SUSD1: variants seen among roughly 807,000 people sequenced by gnomAD.
SUSD1 encodes the protein sushi domain-containing protein 1.
A neutral mutation model predicts 86.9 loss-of-function variants in SUSD1; 65 were observed. That is an observed-to-expected ratio of 0.75 (90% CI 0.61 to 0.92). SUSD1 has a LOEUF of 0.92. Ranked by LOEUF, SUSD1 falls within the 40% of genes least tolerant of loss-of-function variation. SUSD1 has a pLI of 0.00. For missense variants in SUSD1, 850 were observed against 929.7 expected, an observed-to-expected ratio of 0.91 and a Z score of 1.11; for synonymous variants, 346 against 350.0, an observed-to-expected ratio of 0.99 and a Z score of 0.13.
chr9:112,100,952 T>C (rs1830609268), intron 9 of SUSD1, among the ~76,000 whole-genome samples: 1 of 152,078 alleles, frequency 6.6e-6, no homozygotes, highest in African/African-American at 2.4e-5. Context: ...TTACTTTTTG[T>C]CAAAGCACTC....
intron 1 of SUSD1, among the ~76,000 whole-genome samples, chr9:112,157,816 C>CTTTT (rs1226073813): frequency 6.5e-5 from 9 of 138,430 alleles, no homozygotes; most frequent in African/African-American, 2.6e-4. Context: ...CAATGTCTTT[C>CTTTT]TTTCTTTCTT....
At chr9:112,096,981 G>T (rs1434618005) in intron 10 of SUSD1, among the ~76,000 whole-genome samples, 1 of 151,930 alleles carries the variant, frequency 6.6e-6, no homozygotes, top group Non-Finnish European at 1.5e-5. Context: ...TGCAAACTCT[G>T]CTGATACAGA....
At chr9:112,081,278 G>A (rs1829757101) in intron 10 of SUSD1, among the ~76,000 whole-genome samples, 3 of 152,206 alleles carry the variant, frequency 2.0e-5, no homozygotes, top group Admixed American at 2.0e-4. Context: ...GCTGTATTTT[G>A]TAACTCCCTG....
intron 5 of SUSD1, among the ~76,000 whole-genome samples, chr9:112,131,786 T>C (rs1832046002): frequency 6.6e-6 from 1 of 152,262 alleles, no homozygotes; most frequent in Admixed American, 6.5e-5. Context: ...CATGTTTCTC[T>C]GGCTAATTAC....
intron 12 of SUSD1, among the ~76,000 whole-genome samples, chr9:112,077,179 A>G (rs1267910891): frequency 6.6e-6 from 1 of 152,096 alleles, no homozygotes; most frequent in Non-Finnish European, 1.5e-5. Context: ...ATTGAGGGGA[A>G]GTGCTGATCA....
intron 15 of SUSD1, among the ~76,000 whole-genome samples, chr9:112,049,505 C>A (rs1391167164): frequency 6.6e-6 from 1 of 152,174 alleles, no homozygotes; most frequent in African/African-American, 2.4e-5. Flanking sequence ...TCCATCAAAC[C>A]GACTGCTGGT....
chr9:112,080,700 A>AG (rs1026093076), intron 10 of SUSD1, among the ~76,000 whole-genome samples: 16 of 151,784 alleles, frequency 1.1e-4, no homozygotes, highest in Admixed American at 6.6e-4. Flanking sequence ...GAAAAAAAAA[A>AG]AAAAGAAAAG....
Position 112,058,605 on chromosome 9 carries a change from G to A in SUSD1, c.1932C>T (p.Ser644=). The A allele has an allele frequency of 1.9e-6, 3 of 1,614,166 alleles. No individual in the cohort carries two copies. The highest frequency in any genetic ancestry group is 2.5e-6 in the Non-Finnish European group (3 of 1,180,016). The change falls in exon 14 of 17, where the codon AGC becomes AGT. Residue 644 remains serine (S), a synonymous_variant. Transcript: ENST00000374270. The part of the protein sequence containing the change: ...CDSEGASSFF[S]NASDADGYVA... ...CGTATCCATCAGCATCAGAGGCGTT[G>A]CTAAAGAAGGAGGAAGCGCCTTCAG...
rs143588063 is a variant in SUSD1, at chr9:112,110,048, C to T, written c.1171+1606G>A. 1.1e-4 allele frequency among the ~76,000 whole-genome samples: 17 copies of T among 152,086 alleles called. No homozygotes were observed. The East Asian group carries it at 3.3e-3, about 29-fold the overall frequency. On this transcript the variant is annotated intron_variant, in intron 8 of 16. Transcript: ENST00000374270. The stretch of plus-strand genomic sequence containing the variant: ...TAATTAAGAACTTTCTCAACTCCCC[C>T]AAAATAATAAATGACATCGGCCAGC...
chr9:112,126,680 C>T (rs757030747), intron 5 of SUSD1, among the ~76,000 whole-genome samples: 3 of 152,092 alleles, frequency 2.0e-5, no homozygotes, highest in East Asian at 1.9e-4. Context: ...AACAGCTATA[C>T]GTCTGAATCC....
chr9:112,104,425 TC>T lies in SUSD1; in HGVS notation c.1172-2141del, dbSNP rs1441109587. On this transcript the variant is annotated intron_variant, in intron 8 of 16. Coordinates refer to ENST00000374270, the MANE Select transcript of SUSD1 (RefSeq NM_022486.5). ...ATAATAGTAATAATAATAATAATAG[TC>T]CTTCTTTAGCCCACTGTAGATTAGT... Among the ~76,000 whole-genome samples the T allele has an allele frequency of 1.7e-4, 26 of 152,080 alleles. No individual in the cohort carries two copies. The East Asian group carries it at 4.8e-3, about 28-fold the overall frequency.
At chr9:112,084,265 TAA>T (rs944151916) in intron 10 of SUSD1, among the ~76,000 whole-genome samples, 2 of 152,168 alleles carry the variant, frequency 1.3e-5, no homozygotes, top group Non-Finnish European at 2.9e-5. Context: ...CTATAGATAA[TAA>T]GTTAATAAAT....
intron 10 of SUSD1, among the ~76,000 whole-genome samples, chr9:112,083,217 C>G (rs1162395782): frequency 6.6e-6 from 1 of 152,106 alleles, no homozygotes; most frequent in African/African-American, 2.4e-5. Context: ...CCAAAACTTA[C>G]ACGAAGATTT....
Position 112,143,515 on chromosome 9 carries a change from C to T in SUSD1, c.482G>A (p.Gly161Glu), listed in dbSNP as rs781645605. Residue 161 changes from glycine (G) to glutamate (E), a missense_variant, in exon 4 of 17, where the codon GGA becomes GAA. Coordinates refer to ENST00000374270, the MANE Select transcript of SUSD1 (RefSeq NM_022486.5). ...YCMDGYLPRNGPEPFHPTTDA... is the reference protein window; with the variant it reads ...YCMDGYLPRNEPEPFHPTTDA... ...GGTGGTCGGGTGGAAAGGTTCAGGT[C>T]CATTCCTTGGCAAGTATCCATCCAT... 6 of 1,614,084 alleles carry T rather than the reference C, an allele frequency of 3.7e-6. No homozygotes were observed. The Admixed American group carries it at 8.3e-5, about 22-fold the overall frequency.
At chr9:112,057,364 T>C (rs1267667910) in intron 14 of SUSD1, among the ~76,000 whole-genome samples, 2 of 152,224 alleles carry the variant, frequency 1.3e-5, no homozygotes, top group East Asian at 1.9e-4. Context: ...TCTAGGACAG[T>C]AGATCTCTGA....
intron 10 of SUSD1, among the ~76,000 whole-genome samples, chr9:112,085,037 C>T (rs999947698): frequency 2.0e-5 from 3 of 152,290 alleles, no homozygotes; most frequent in East Asian, 1.9e-4. Context: ...CTATCACCCC[C>T]GTTGAACTGA....
intron 6 of SUSD1, among the ~76,000 whole-genome samples, chr9:112,121,333 T>C (rs970612805): frequency 1.3e-5 from 2 of 152,114 alleles, no homozygotes; most frequent in African/African-American, 2.4e-5. Flanking sequence ...ACAGCAGAGG[T>C]GAGCTTTCCA....
intron 13 of SUSD1, among the ~76,000 whole-genome samples, chr9:112,060,243 C>A (rs1285573078): frequency 1.3e-5 from 2 of 152,010 alleles, no homozygotes; most frequent in African/African-American, 4.8e-5. Flanking sequence ...TAGGTATCCT[C>A]AGGGCCCTGA....
At chr9:112,050,388 G>C (rs1828137915) in intron 15 of SUSD1, among the ~76,000 whole-genome samples, 1 of 152,166 alleles carries the variant, frequency 6.6e-6, no homozygotes, top group Non-Finnish European at 1.5e-5. Context: ...GGTTTGAGCA[G>C]AGGTAAAAAG....
Sources: gnomAD v4.1 joint callset for allele counts (sites outside exome capture counted in the v4.1 genomes callset) on GRCh38, gnomAD v4.1.1 for gene constraint, MANE v1.5 for transcripts, NCBI Gene and HGNC (gene_info 2026-07-23, HGNC 2026-07-21) for gene names.